The following FMN2 variants were observed in gnomAD, a reference collection of about 807,000 sequenced individuals.
FMN2 encodes formin 2.
FMN2 carries 51 observed loss-of-function variants against 142.3 expected under a neutral mutation model. The ratio of observed to expected loss-of-function variants is 0.36; its 90% CI spans 0.29 to 0.45. The LOEUF is 0.45. FMN2 is among the 20% of genes least tolerant of loss of function. The probability of loss-of-function intolerance (pLI) is 1.00; values close to 1 mark genes in which losing one functional copy is unlikely to be tolerated. For synonymous variants in FMN2, 882 were observed against 869.8 expected, an observed-to-expected ratio of 1.01 and a Z score of -0.25; for missense variants, 1,936 against 2,122.8, an observed-to-expected ratio of 0.91 and a Z score of 1.73.
intron 16 of FMN2, among the ~76,000 whole-genome samples, chr1:240,460,783 G>A (rs985110094): frequency 6.6e-6 from 1 of 151,924 alleles, no homozygotes; most frequent in African/African-American, 2.4e-5. Context: ...TATTGTTTTT[G>A]TTTGTTTAAT....
At chr1:240,156,379 A>G (rs1421104101) in intron 2 of FMN2, among the ~76,000 whole-genome samples, 2 of 152,204 alleles carry the variant, frequency 1.3e-5, no homozygotes, top group Non-Finnish European at 2.9e-5. Context: ...CCGAAAATTT[A>G]TTTTAGGATA....
chr1:240,357,045 G>T (rs1361206455), intron 14 of FMN2, among the ~76,000 whole-genome samples: 2 of 152,050 alleles, frequency 1.3e-5, no homozygotes, highest in African/African-American at 4.8e-5. Context: ...AGGGAACATT[G>T]TAAACTCATC....
At chr1:240,271,618 A>G (rs1030066299) in intron 7 of FMN2, among the ~76,000 whole-genome samples, 7 of 152,058 alleles carry the variant, frequency 4.6e-5, no homozygotes, top group Non-Finnish European at 1.0e-4. Context: ...TTTCATTGAA[A>G]TGTAAAGTCA....
intron 4 of FMN2, 90 bp from the exon 5 acceptor site, chr1:240,206,709 C>T: frequency 1.4e-6 from 2 of 1,416,686 alleles, no homozygotes; most frequent in Non-Finnish European, 9.5e-7. Context: ...GGAAGTATGA[C>T]AACAAACAGA....
At chr1:240,101,812 A>G (rs1023293376) in intron 1 of FMN2, among the ~76,000 whole-genome samples, 4 of 150,242 alleles carry the variant, frequency 2.7e-5, no homozygotes, top group South Asian at 2.1e-4. Context: ...ATTATGTATG[A>G]TGGTTGATCG....
At chr1:240,159,140 A>C (rs1664153934) in intron 2 of FMN2, among the ~76,000 whole-genome samples, 1 of 152,032 alleles carries the variant, frequency 6.6e-6, no homozygotes, top group Non-Finnish European at 1.5e-5. Context: ...AAGAAATTTT[A>C]ATTGGTTTGC....
At chr1:240,222,767 G>A (rs1667166917) in intron 6 of FMN2, among the ~76,000 whole-genome samples, 1 of 152,206 alleles carries the variant, frequency 6.6e-6, no homozygotes, top group Non-Finnish European at 1.5e-5. Context: ...GTGAATGGGA[G>A]TTCACTCATG....
intron 16 of FMN2, chr1:240,459,142 T>C (rs186719170): frequency 6.7e-4 from 102 of 152,296 alleles, no homozygotes; most frequent in African/African-American, 2.3e-3. Flanking sequence ...CATCTGAGCA[T>C]TGAAAAAAGC....
chr1:240,133,569 C>T (rs1662824903), intron 2 of FMN2, among the ~76,000 whole-genome samples: 1 of 152,332 alleles, frequency 6.6e-6, no homozygotes, highest in South Asian at 2.1e-4. Context: ...TTCTACCTCT[C>T]CTGACCCACT....
At chr1:240,271,098 G>GTTTTTTTTTTTTTTTGTTT (rs1668992569) in intron 7 of FMN2, among the ~76,000 whole-genome samples, 1 of 72,244 alleles carries the variant, frequency 1.4e-5, no homozygotes, top group Admixed American at 1.7e-4. Flanking sequence ...TTCCACGATG[G>GTTTTTTTTTTTTTTTGTTT]TTTTTTTTTT....
chr1:240,217,858 C>T (rs1178656157), intron 6 of FMN2, among the ~76,000 whole-genome samples: 1 of 151,306 alleles, frequency 6.6e-6, no homozygotes, highest in Non-Finnish European at 1.5e-5. Flanking sequence ...TGTAATGAAG[C>T]TAATTATCCT....
intron 6 of FMN2, chr1:240,235,858 G>A (rs1306496107): frequency 6.6e-6 from 1 of 152,072 alleles, no homozygotes; most frequent in African/African-American, 2.4e-5. Context: ...CCATATCAAA[G>A]TTGGCCTGGC....
intron 4 of FMN2, among the ~76,000 whole-genome samples, chr1:240,198,019 C>T (rs1665979507): frequency 6.6e-6 from 1 of 152,120 alleles, no homozygotes; most frequent in African/African-American, 2.4e-5. Flanking sequence ...TATTTGAGAA[C>T]AGTTGGGTGT....
intron 7 of FMN2, among the ~76,000 whole-genome samples, chr1:240,275,922 A>G (rs938601415): frequency 2.0e-5 from 3 of 152,154 alleles, no homozygotes; most frequent in Non-Finnish European, 2.9e-5. Flanking sequence ...TCCTTTGCCC[A>G]CTTTTTGATG....
chr1:240,357,615 T>G (rs1672316909), intron 14 of FMN2, among the ~76,000 whole-genome samples: 1 of 151,590 alleles, frequency 6.6e-6, no homozygotes, highest in South Asian at 2.1e-4. Flanking sequence ...TACGGGTTTT[T>G]TTTTTTTTTT....
intron 8 of FMN2, among the ~76,000 whole-genome samples, chr1:240,328,215 G>A (rs924399834): frequency 8.1e-6 from 1 of 123,538 alleles, no homozygotes. Context: ...TTTTATTTTT[G>A]TTCCATGACT....
rs1487501788 is a variant in FMN2, at chr1:240,254,131, G to T, written c.4066-3814G>T. On this transcript the variant is annotated intron_variant, in intron 6 of 17. Transcript: ENST00000319653. ...AGCAGTGGAAGAAGTGGGCTGGGTG[G>T]CTGGGAGGGTCCTTAGGCTCCTAGG... Among the ~76,000 whole-genome samples the T allele has an allele frequency of 3.3e-5, 5 of 152,292 alleles. 1 individual carries two copies. The highest frequency in any genetic ancestry group is 3.4e-3 in the Middle Eastern group (1 of 294).
chr1:240,417,464 T>G (rs1456994932), intron 15 of FMN2, among the ~76,000 whole-genome samples: 1 of 152,006 alleles, frequency 6.6e-6, no homozygotes. Flanking sequence ...TAGGGCCTGG[T>G]ACTGTGAATT....
At chr1:240,190,422 C>A (rs1665655479) in intron 4 of FMN2, among the ~76,000 whole-genome samples, 1 of 152,130 alleles carries the variant, frequency 6.6e-6, no homozygotes, top group Admixed American at 6.6e-5. Flanking sequence ...GGATATGTTT[C>A]ATGACAGGCT....
Sources: allele counts gnomAD v4.1 joint callset (sites outside exome capture counted in the v4.1 genomes callset), GRCh38; gene constraint gnomAD v4.1.1; transcripts MANE v1.5; gene names NCBI Gene and HGNC (gene_info 2026-07-23, HGNC 2026-07-21).